The following MYOM1 variants were observed in gnomAD, a reference collection of about 807,000 sequenced individuals.
MYOM1 encodes the protein myomesin 1.
A neutral mutation model predicts 205.3 loss-of-function variants in MYOM1; 164 were observed. That is an observed-to-expected ratio of 0.80 (90% CI 0.70 to 0.91). The LOEUF (loss-of-function observed/expected upper bound fraction) is 0.91. Ranked by LOEUF, MYOM1 falls within the 40% of genes least tolerant of loss-of-function variation. The probability of loss-of-function intolerance (pLI) is 0.00; values close to 1 mark genes in which losing one functional copy is unlikely to be tolerated. For missense variants in MYOM1, 2,011 were observed against 2,127.3 expected (o/e 0.95, Z 1.08); for synonymous variants, 772 against 789.4 (o/e 0.98, Z 0.37).
intron 8 of MYOM1, among the ~76,000 whole-genome samples, chr18:3,169,987 A>G (rs2080532969): frequency 6.6e-6 from 1 of 152,228 alleles, no homozygotes; most frequent in Admixed American, 6.5e-5. Flanking sequence ...AAATCCTGTC[A>G]TTTGCAACAA....
chr18:3,211,238 T>C (rs1164473680), intron 2 of MYOM1, among the ~76,000 whole-genome samples: 2 of 152,232 alleles, frequency 1.3e-5, no homozygotes, highest in African/African-American at 4.8e-5. Flanking sequence ...AATACCACCT[T>C]TTCTGTAAAC....
At chr18:3,110,702 C>G (rs2079513327) in intron 22 of MYOM1, among the ~76,000 whole-genome samples, 1 of 151,078 alleles carries the variant, frequency 6.6e-6, no homozygotes, top group Non-Finnish European at 1.5e-5. Flanking sequence ...AGCAATAAGC[C>G]TATGTTCAGG....
chr18:3,237,203 C>T, the MYOM1 span, among the ~76,000 whole-genome samples: 1 of 152,148 alleles, frequency 6.6e-6, no homozygotes, highest in Non-Finnish European at 1.5e-5. Flanking sequence ...AGCAGCACTA[C>T]TCACAATAGC....
the MYOM1 span, among the ~76,000 whole-genome samples, chr18:3,227,584 C>T: frequency 6.6e-5 from 10 of 152,110 alleles, no homozygotes; most frequent in African/African-American, 1.2e-4. Context: ...TTTGGGAGAC[C>T]GAGGTGGGCG....
intron 3 of MYOM1, among the ~76,000 whole-genome samples, chr18:3,193,321 T>TAC (rs2080941121): frequency 6.9e-6 from 1 of 145,424 alleles, no homozygotes; most frequent in Admixed American, 6.9e-5. Context: ...TATGTATATG[T>TAC]ACATATACAT....
At chr18:3,176,286 C>T (rs568136411) in intron 5 of MYOM1, among the ~76,000 whole-genome samples, 152 bp from the exon 6 acceptor site, 1 of 152,252 alleles carries the variant, frequency 6.6e-6, no homozygotes, top group African/African-American at 2.4e-5. Context: ...ATCATATTGG[C>T]TTACGTGAAG....
intron 8 of MYOM1, among the ~76,000 whole-genome samples, chr18:3,171,427 A>G (rs373963745): frequency 7.9e-5 from 12 of 152,222 alleles, no homozygotes; most frequent in African/African-American, 2.9e-4. Context: ...TAGGTCCCCT[A>G]GAAACGGACC....
At chr18:3,131,992 AAAT>A (rs999804647) in intron 16 of MYOM1, among the ~76,000 whole-genome samples, 3 of 148,574 alleles carry the variant, frequency 2.0e-5, no homozygotes, top group Non-Finnish European at 3.0e-5. Context: ...GGTACTTAAT[AAAT>A]AATAATTAGT....
At chr18:3,155,124 A>C in intron 10 of MYOM1, 36 bp from the exon 11 acceptor site, 1 of 1,570,752 alleles carries the variant, frequency 6.4e-7, no homozygotes, top group Non-Finnish European at 8.6e-7. Context: ...TAACCCTCTC[A>C]GACATGCTGT....
At chr18:3,101,989 ATTTTTTTTTTTTTTTTT>A (rs35882298) in intron 23 of MYOM1, among the ~76,000 whole-genome samples, 2 of 55,832 alleles carry the variant, frequency 3.6e-5, no homozygotes, top group African/African-American at 1.7e-4. Flanking sequence ...TCAGTCTGGG[ATTTTTTTTTTTTTTTTT>A]TTTTTTTTTT....
At chr18:3,153,925 G>A (rs1017385439) in intron 11 of MYOM1, among the ~76,000 whole-genome samples, 2 of 152,234 alleles carry the variant, frequency 1.3e-5, no homozygotes, top group South Asian at 4.1e-4. Flanking sequence ...TGTCTGTATC[G>A]TCCAAACTCA....
intron 19 of MYOM1, among the ~76,000 whole-genome samples, chr18:3,125,994 C>T (rs550916113): frequency 2.0e-5 from 3 of 152,130 alleles, no homozygotes; most frequent in East Asian, 3.9e-4. Context: ...CCCAGCCGGC[C>T]GCGGTGGCTC....
At chr18:3,151,200 G>A (rs940076970) in intron 12 of MYOM1, among the ~76,000 whole-genome samples, 6 of 151,552 alleles carry the variant, frequency 4.0e-5, no homozygotes, top group Admixed American at 1.3e-4. Flanking sequence ...TAGATATAAC[G>A]TTGTCTATCT....
rs1322042469 is a variant in MYOM1 at position 3,135,753 on chromosome 18, C to A, written c.2026-23G>T. 2 of 1,612,420 alleles carry A rather than the reference C, an allele frequency of 1.2e-6. No homozygotes were observed. The highest frequency in any genetic ancestry group is 1.7e-6 in the Non-Finnish European group (2 of 1,178,998). ...ACACTGCAGCAAGAACAGGGAAACC[C>A]ATTGAAAGCACAGCAAACACAAGCG... On this transcript the variant is annotated intron_variant, in intron 14 of 37. Coordinates refer to ENST00000356443, the MANE Select transcript of MYOM1 (RefSeq NM_003803.4). This position sits in a 1 kb window ranked among gnomAD's most constrained non-coding sequence, Gnocchi z 4.1.
At chr18:3,226,517 C>T in the MYOM1 span, among the ~76,000 whole-genome samples, 1 of 152,134 alleles carries the variant, frequency 6.6e-6, no homozygotes, top group African/African-American at 2.4e-5. The surrounding 1 kb of genome is among the most constrained non-coding windows in gnomAD (Gnocchi z 4.6). Context: ...TCCAGCACCC[C>T]GGTTCCCTCA....
At position 3,096,452 on chromosome 18, in the gene MYOM1, A is replaced by ATTT. The variant is rs5822737; in HGVS notation, c.3728-2149_3728-2147dup. 1.6e-4 allele frequency among the ~76,000 whole-genome samples: 23 copies of ATTT among 143,496 alleles called. No individual in the cohort carries two copies. In the East Asian group the frequency reaches 4.1e-3, roughly 25 times the overall value. 94.1% of individuals were successfully genotyped at this position (143,496 alleles called of 152,430 possible). ...GCTTCTACAACACCCTAGAAACACC[A>ATTT]TTTTTTTTTTTTTTGAGATGGAGTC... On this transcript the variant is annotated intron_variant, in intron 25 of 37. Transcript: ENST00000356443.
rs942778655 is a variant in MYOM1 at position 3,188,914 on chromosome 18, G to C, written c.605C>G (p.Ser202Cys). 1 of 1,612,146 alleles carries C rather than the reference G, an allele frequency of 6.2e-7. No individual in the cohort carries two copies. Among genetic ancestry groups the C allele is most frequent in the African/African-American group, 1.3e-5 (1 of 74,518 alleles). Residue 202 changes from serine (S) to cysteine (C), a missense_variant, in exon 4 of 38, where the codon TCC becomes TGC. Transcript: ENST00000356443. ...ASKQSTASKQ[S>C]TASKQSTASR... ...TGCCGTGGACTGCTTGGATGCTGTG[G>C]ACTGCTTGGATGCCGTGGACTGCTT...
At chr18:3,244,992 T>G in the MYOM1 span, among the ~76,000 whole-genome samples, 1 of 151,070 alleles carries the variant, frequency 6.6e-6, no homozygotes, top group East Asian at 1.9e-4. Context: ...GAGATCTCTC[T>G]GCCACATGAG....
At chr18:3,125,650 T>C (rs990977478) in intron 19 of MYOM1, among the ~76,000 whole-genome samples, 1 of 151,960 alleles carries the variant, frequency 6.6e-6, no homozygotes, top group African/African-American at 2.4e-5. Context: ...TAAAAGAGCA[T>C]GGTGTTGAGT....
Sources: gnomAD v4.1 joint callset for allele counts (sites outside exome capture counted in the v4.1 genomes callset) on GRCh38, gnomAD v4.1.1 for gene constraint, Gnocchi (gnomAD v3.1) non-coding constraint, MANE v1.5 for transcripts, NCBI Gene and HGNC (gene_info 2026-07-23, HGNC 2026-07-21) for gene names.